The following USP43 variants were observed in gnomAD, a reference collection of about 807,000 sequenced individuals.
USP43 encodes ubiquitin carboxyl-terminal hydrolase 43.
USP43 carries 33 observed loss-of-function variants against 90.7 expected under a neutral mutation model. The observed-to-expected ratio is 0.36, with a 90% CI of 0.28 to 0.49. USP43 has a LOEUF of 0.49. USP43 is among the 20% of genes least tolerant of loss of function. The pLI, the probability that USP43 is intolerant of heterozygous loss-of-function variation, is 0.98. For missense variants in USP43, 1,274 were observed against 1,476.4 expected, an observed-to-expected ratio of 0.86 and a Z score of 2.25; for synonymous variants, 598 against 615.8, an observed-to-expected ratio of 0.97 and a Z score of 0.43.
At chr17:9,727,001 C>T (rs1288310677) in intron 14 of USP43, among the ~76,000 whole-genome samples, 1 of 151,734 alleles carries the variant, frequency 6.6e-6, no homozygotes, top group East Asian at 1.9e-4. Context: ...GAGTCTTGCT[C>T]TGTCACCCAG....
intron 1 of USP43, among the ~76,000 whole-genome samples, chr17:9,653,242 A>G (rs1912000395): frequency 6.6e-6 from 1 of 152,232 alleles, no homozygotes; most frequent in African/African-American, 2.4e-5. Flanking sequence ...GGCTTAAAAG[A>G]TCATCATGAT....
At chr17:9,703,231 A>G (rs952536476) in intron 12 of USP43, among the ~76,000 whole-genome samples, 3 of 151,340 alleles carry the variant, frequency 2.0e-5, no homozygotes, top group Non-Finnish European at 4.4e-5. Context: ...CCGTGCACAC[A>G]TGAGTGGTGA....
chr17:9,654,331 G>A (rs1404482582), intron 1 of USP43, among the ~76,000 whole-genome samples: 7 of 152,048 alleles, frequency 4.6e-5, no homozygotes, highest in Admixed American at 3.3e-4. Flanking sequence ...GCCCTACTTG[G>A]GAATCAACAT....
At position 9,674,189 on chromosome 17, in the gene USP43, G is replaced by A. The variant is rs1018628206; in HGVS notation, c.741-702G>A. ...GGAAGTTGGCATGCTGGGTTTGTATGGCAGGGGCGGGTTATAGCTTCCCTT... is the reference window on the plus strand; with the variant it reads ...GGAAGTTGGCATGCTGGGTTTGTATAGCAGGGGCGGGTTATAGCTTCCCTT... On this transcript the variant is annotated intron_variant, in intron 3 of 14. Transcript: ENST00000285199. This position sits in a 1 kb window ranked among gnomAD's most constrained non-coding sequence, Gnocchi z 4.4. Among the ~76,000 whole-genome samples the A allele has an allele frequency of 2.6e-5, 4 of 152,088 alleles. No individual in the cohort carries two copies. Among genetic ancestry groups the A allele is most frequent in the Non-Finnish European group, 5.9e-5 (4 of 68,026 alleles).
chr17:9,664,940 A>G (rs1033158332), intron 2 of USP43, among the ~76,000 whole-genome samples: 4 of 152,146 alleles, frequency 2.6e-5, no homozygotes, highest in Non-Finnish European at 5.9e-5. Context: ...CCCAGTCAAT[A>G]TTTATATAGG....
chr17:9,668,987 C>A (rs188419574), intron 3 of USP43, among the ~76,000 whole-genome samples: 2 of 152,082 alleles, frequency 1.3e-5, no homozygotes, highest in African/African-American at 4.8e-5. Context: ...AGGTGCGTGC[C>A]ACCATGCCTG....
In USP43 at chr17:9,646,040, G is replaced by A. The variant is rs1911369418; in HGVS notation, c.408G>A (p.Ala136=). Residue 136 remains alanine, a synonymous_variant, in exon 1 of 15, where the codon GCG becomes GCA. Coordinates refer to ENST00000285199, the MANE Select transcript of USP43 (RefSeq NM_153210.5). The part of the protein sequence containing the change: ...AEFLALGRYR[A]APGRAEVTEQ... The stretch of plus-strand genomic sequence containing the variant: ...TCCTGGCGCTGGGGCGCTACCGGGC[G>A]GCTCCGGGCCGCGCCGAGGTCACCG... The A allele has an allele frequency of 2.0e-6, 3 of 1,494,084 alleles. No homozygotes were observed. The highest frequency in any genetic ancestry group is 3.0e-5 in the African/African-American group (2 of 67,706). 92.6% of individuals were successfully genotyped at this position (1,494,084 alleles called of 1,614,324 possible). A position where few individuals can be genotyped will look rare whatever the true frequency, so the allele number is the denominator to read the frequency against.
chr17:9,664,354 C>T (rs1441705947), intron 2 of USP43, among the ~76,000 whole-genome samples: 1 of 152,188 alleles, frequency 6.6e-6, no homozygotes, highest in Admixed American at 6.5e-5. Flanking sequence ...GCACACCTTA[C>T]CCAAGACGCT....
chr17:9,722,599 A>G (rs1025705261), intron 14 of USP43, among the ~76,000 whole-genome samples: 1 of 152,056 alleles, frequency 6.6e-6, no homozygotes, highest in East Asian at 1.9e-4. Context: ...CAAAGTAGCA[A>G]TTTGTTAATT....
intron 8 of USP43, 104 bp downstream of exon 8, chr17:9,687,013 A>G: frequency 1.0e-6 from 1 of 1,003,730 alleles, no homozygotes; most frequent in Non-Finnish European, 1.5e-6. Flanking sequence ...GTAGCCCAGG[A>G]GAGGATAATT....
intron 8 of USP43, among the ~76,000 whole-genome samples, chr17:9,691,054 AATGTC>A (rs1914916338): frequency 6.6e-6 from 1 of 151,794 alleles, no homozygotes; most frequent in African/African-American, 2.4e-5. Flanking sequence ...TATTTCACTA[AATGTC>A]ATGTTTTCAA....
In USP43 at chr17:9,710,074, G is replaced by T. The variant is rs1417747054; in HGVS notation, c.2130G>T (p.Arg710=). ...RGAYILFYQK[R]NSIPPWSASS... ...CTTATATCCTGTTCTATCAGAAGCG[G>T]AACAGCATCCCTCCCTGGTCAGCCA... The change falls in exon 13 of 15, where the codon CGG becomes CGT. Residue 710 remains arginine, a synonymous_variant. Coordinates refer to ENST00000285199, the MANE Select transcript of USP43 (RefSeq NM_153210.5). 1 of 1,551,706 alleles carries T rather than the reference G, an allele frequency of 6.4e-7. No individual in the cohort carries two copies. Among genetic ancestry groups the T allele is most frequent in the East Asian group, 2.5e-5 (1 of 40,702 alleles).
intron 1 of USP43, among the ~76,000 whole-genome samples, chr17:9,652,212 C>CAAA (rs769295315): frequency 1.2e-4 from 5 of 42,728 alleles, no homozygotes; most frequent in East Asian, 1.3e-3. Flanking sequence ...GCCCTTAGCG[C>CAAA]AAAAAAAAAA....
chr17:9,680,424 G>A (rs1382622692), intron 6 of USP43, 58 bp downstream of exon 6: 1 of 1,594,944 alleles, frequency 6.3e-7, no homozygotes, highest in South Asian at 1.1e-5. Context: ...GGTTTCAGAG[G>A]ATACTCCTTG....
At chr17:9,692,435 C>G (rs559716079) in intron 8 of USP43, among the ~76,000 whole-genome samples, 37 of 152,308 alleles carry the variant, frequency 2.4e-4, no homozygotes, top group African/African-American at 8.9e-4. Flanking sequence ...TTGCATTTCT[C>G]TAATGACTAA....
intron 1 of USP43, 78 bp downstream of exon 1, chr17:9,646,214 GT>G: frequency 7.4e-7 from 1 of 1,354,300 alleles, no homozygotes; most frequent in East Asian, 3.1e-5. Context: ...TCAGGAAAGG[GT>G]TTTCTTGGGG....
intron 7 of USP43, among the ~76,000 whole-genome samples, chr17:9,684,702 G>T (rs1282023625): frequency 6.6e-6 from 1 of 150,572 alleles, no homozygotes; most frequent in Non-Finnish European, 1.5e-5. Context: ...GGCGGAGGTT[G>T]CGGTGAGCCG....
In USP43 at chr17:9,686,671, GT is replaced by G; in HGVS notation, c.1242-122del. 2 of 724,716 alleles carry G rather than the reference GT, an allele frequency of 2.8e-6. No individual in the cohort carries two copies. Among genetic ancestry groups the G allele is most frequent in the East Asian group, 2.8e-5 (1 of 36,352 alleles). 44.9% of individuals were successfully genotyped at this position (724,716 alleles called of 1,614,324 possible). On this transcript the variant is annotated intron_variant, in intron 7 of 14. Transcript: ENST00000285199. The surrounding 1 kb of genome is among the most constrained non-coding windows in gnomAD (Gnocchi z 5.5). ...ATTCTTTGGTTTTTTTTGCTGTTGAGTTTTTGTGCTTAGCTCTTGTCACTTA... is the reference window on the plus strand; with the variant it reads ...ATTCTTTGGTTTTTTTTGCTGTTGAGTTTTGTGCTTAGCTCTTGTCACTTA...
At chr17:9,724,475 T>A (rs1422309772) in intron 14 of USP43, among the ~76,000 whole-genome samples, 1 of 150,326 alleles carries the variant, frequency 6.7e-6, no homozygotes. Context: ...AGGTCAGGAG[T>A]TCAAGACCAG....
Sources: allele counts gnomAD v4.1 joint callset (sites outside exome capture counted in the v4.1 genomes callset), GRCh38; gene constraint gnomAD v4.1.1; non-coding constraint Gnocchi (gnomAD v3.1); transcripts MANE v1.5; gene names NCBI Gene and HGNC (gene_info 2026-07-23, HGNC 2026-07-21).